Variants in CDH13 observed in about 807,000 individuals in gnomAD.
CDH13 encodes cadherin-13.
Under a neutral mutation model 63.8 loss-of-function variants are expected in CDH13, and 24 were observed. The ratio of observed to expected loss-of-function variants is 0.38; its 90% CI spans 0.27 to 0.53. The LOEUF (loss-of-function observed/expected upper bound fraction) is 0.53, where lower values mean the gene tolerates loss of function less well. Ranked by LOEUF, CDH13 falls within the 20% of genes least tolerant of loss-of-function variation. The pLI, the probability that CDH13 is intolerant of heterozygous loss-of-function variation, is 0.85. For synonymous variants in CDH13, 503 were observed against 355.3 expected, an observed-to-expected ratio of 1.42 and a Z score of -4.67; for missense variants, 1,049 against 903.1, an observed-to-expected ratio of 1.16 and a Z score of -2.07.
At chr16:82,846,086 A>C (rs1597785217) in intron 1 of CDH13, among the ~76,000 whole-genome samples, 1 of 152,360 alleles carries the variant, frequency 6.6e-6, no homozygotes, top group African/African-American at 2.4e-5. Flanking sequence ...TCTGGAAAAC[A>C]ACCCAGAGTT....
intron 2 of CDH13, among the ~76,000 whole-genome samples, chr16:82,907,005 G>T (rs1271654276): frequency 6.6e-6 from 1 of 152,148 alleles, no homozygotes; most frequent in Non-Finnish European, 1.5e-5. Flanking sequence ...TGAGGTTCTG[G>T]ATGAACATGG....
chr16:82,667,906 A>G (rs770362344), intron 1 of CDH13, among the ~76,000 whole-genome samples: 14 of 152,192 alleles, frequency 9.2e-5, no homozygotes, highest in Non-Finnish European at 1.9e-4. Flanking sequence ...GAGATAAGTT[A>G]AAGCCTAATA....
chr16:82,873,282 C>T (rs1230896186), intron 2 of CDH13, among the ~76,000 whole-genome samples: 1 of 152,118 alleles, frequency 6.6e-6, no homozygotes, highest in Non-Finnish European at 1.5e-5. Context: ...AAATGTCTTG[C>T]AAATAGGATT....
chr16:83,068,242 A>C (rs2151536771), intron 3 of CDH13, among the ~76,000 whole-genome samples: 1 of 152,306 alleles, frequency 6.6e-6, no homozygotes, highest in East Asian at 1.9e-4. Context: ...ATCATTTTAT[A>C]GGCATTATCT....
chr16:82,720,309 T>C (rs1032669301), intron 1 of CDH13, among the ~76,000 whole-genome samples: 2 of 152,204 alleles, frequency 1.3e-5, no homozygotes, highest in African/African-American at 2.4e-5. Context: ...TCTTACTGCA[T>C]TGTTTTTTAT....
At chr16:83,352,469 C>T (rs541749136) in intron 6 of CDH13, among the ~76,000 whole-genome samples, 9 of 152,120 alleles carry the variant, frequency 5.9e-5, no homozygotes, top group Non-Finnish European at 1.3e-4. Flanking sequence ...TACTACTGGG[C>T]GTCTACACAA....
intron 7 of CDH13, among the ~76,000 whole-genome samples, chr16:83,535,164 G>T (rs562176420): frequency 1.3e-5 from 2 of 152,330 alleles, no homozygotes; most frequent in South Asian, 2.1e-4. Context: ...AGCATAAGGG[G>T]TGCTCCAGGC....
intron 5 of CDH13, among the ~76,000 whole-genome samples, chr16:83,257,654 T>C (rs898110986): frequency 1.3e-5 from 2 of 152,354 alleles, no homozygotes; most frequent in East Asian, 1.9e-4. Flanking sequence ...ACCTTTTCTT[T>C]ATCGTGTCTA....
chr16:83,330,741 A>G (rs540946172), intron 5 of CDH13, among the ~76,000 whole-genome samples: 24 of 152,322 alleles, frequency 1.6e-4, no homozygotes, highest in African/African-American at 5.8e-4. Context: ...CGTGGGGTCC[A>G]TGACCTCAGC....
chr16:83,723,156 G>A (rs1393635265), intron 10 of CDH13, among the ~76,000 whole-genome samples: 2 of 152,236 alleles, frequency 1.3e-5, no homozygotes, highest in Non-Finnish European at 2.9e-5. Flanking sequence ...ATGCTGATGT[G>A]AGAAGCACGA....
chr16:83,293,441 C>T (rs2089511743), intron 5 of CDH13, among the ~76,000 whole-genome samples: 4 of 152,098 alleles, frequency 2.6e-5, no homozygotes. Flanking sequence ...TCCCAGCTGT[C>T]ATCTGGGAAA....
At chr16:83,418,602 C>T (rs2071621726) in intron 6 of CDH13, among the ~76,000 whole-genome samples, 1 of 152,138 alleles carries the variant, frequency 6.6e-6, no homozygotes, top group Non-Finnish European at 1.5e-5. Flanking sequence ...TCTGTACAAA[C>T]CAGGATTCTG....
At chr16:83,052,800 A>AAAAAAG in intron 3 of CDH13, among the ~76,000 whole-genome samples, 1 of 147,906 alleles carries the variant, frequency 6.8e-6, no homozygotes, top group Non-Finnish European at 1.5e-5. Context: ...AAAAAAAAAA[A>AAAAAAG]AAAAGAAAGA....
At chr16:82,669,520 C>A (rs940736572) in intron 1 of CDH13, among the ~76,000 whole-genome samples, 7 of 152,164 alleles carry the variant, frequency 4.6e-5, no homozygotes, top group Non-Finnish European at 1.0e-4. Flanking sequence ...AATACTGTCT[C>A]CAGTCCTTGG....
At chr16:83,517,131 G>A (rs570267280) in intron 7 of CDH13, among the ~76,000 whole-genome samples, 1 of 152,184 alleles carries the variant, frequency 6.6e-6, no homozygotes, top group Non-Finnish European at 1.5e-5. Context: ...AGAGACTACA[G>A]TTCTAGCATA....
intron 10 of CDH13, among the ~76,000 whole-genome samples, chr16:83,741,225 T>C (rs944750428): frequency 6.6e-6 from 1 of 152,212 alleles, no homozygotes; most frequent in Non-Finnish European, 1.5e-5. Flanking sequence ...ACATGAGCTA[T>C]TTTAAGATAG....
intron 3 of CDH13, among the ~76,000 whole-genome samples, chr16:83,109,704 G>A (rs1326375005): frequency 1.3e-5 from 2 of 152,084 alleles, no homozygotes; most frequent in African/African-American, 4.8e-5. Context: ...AGAAAAACAA[G>A]CCCCACCTGT....
chr16:82,772,393 T>C (rs2063217786), intron 1 of CDH13, among the ~76,000 whole-genome samples: 1 of 152,134 alleles, frequency 6.6e-6, no homozygotes, highest in South Asian at 2.1e-4. Context: ...GCAGCACTCA[T>C]GTATACCAGC....
At chr16:83,683,697 G>A (rs919697530) in intron 10 of CDH13, among the ~76,000 whole-genome samples, 1 of 152,178 alleles carries the variant, frequency 6.6e-6, no homozygotes, top group Non-Finnish European at 1.5e-5. Context: ...TAGTGAAATT[G>A]TTTAATGCAT....
Sources: gnomAD v4.1 joint callset for allele counts (sites outside exome capture counted in the v4.1 genomes callset) on GRCh38, gnomAD v4.1.1 for gene constraint, MANE v1.5 for transcripts, NCBI Gene and HGNC (gene_info 2026-07-23, HGNC 2026-07-21) for gene names.